NUDT11: variants seen among roughly 807,000 people sequenced by gnomAD.
NUDT11 encodes diphosphoinositol polyphosphate phosphohydrolase 3-beta.
A neutral mutation model predicts 10.0 loss-of-function variants in NUDT11; 1 was observed. That is an observed-to-expected ratio of 0.10 (90% confidence interval 0.04 to 0.47). NUDT11 has a LOEUF of 0.47. Among genes scored for constraint, NUDT11 ranks in the 20% least tolerant of loss-of-function variants. The pLI is 0.96. For missense variants in NUDT11, 47 were observed against 140.4 expected (o/e 0.33, Z 3.36); for synonymous variants, 63 against 65.9 (o/e 0.96, Z 0.21).
intron 1 of NUDT11, among the ~76,000 whole-genome samples, chrX:51,495,150 C>T (rs1469254923): frequency 2.7e-5 from 3 of 111,863 alleles, no homozygotes; most frequent in Non-Finnish European, 5.6e-5. Context: ...GGTTAATCTA[C>T]ATGGGAAATA....
intron 1 of NUDT11, among the ~76,000 whole-genome samples, chrX:51,492,884 G>A (rs957892523): frequency 8.9e-6 from 1 of 112,572 alleles, no homozygotes; most frequent in Non-Finnish European, 1.9e-5. Flanking sequence ...GGGAATTCTA[G>A]AGGTGAAAGC....
At chrX:51,492,140 C>G (rs1485538131) in intron 1 of NUDT11, among the ~76,000 whole-genome samples, 4 of 112,001 alleles carry the variant, frequency 3.6e-5, no homozygotes, top group Non-Finnish European at 1.9e-5. Flanking sequence ...ATAAACTCTG[C>G]GAACCATGAC....
chrX:51,492,859 G>A (rs1925625642), intron 1 of NUDT11, among the ~76,000 whole-genome samples: 1 of 112,274 alleles, frequency 8.9e-6, no homozygotes, highest in South Asian at 3.7e-4. Flanking sequence ...AGAGTACCTG[G>A]TGGCTCCCCC....
At chrX:51,495,822 T>C in intron 1 of NUDT11, 129 bp downstream of exon 1, 4 of 1,002,208 alleles carry the variant, frequency 4.0e-6, no homozygotes, top group African/African-American at 1.9e-5. Flanking sequence ...TCAGAGGGTC[T>C]GCCAAGGAAA....
intron 1 of NUDT11, 134 bp from the exon 2 acceptor site, chrX:51,491,883 C>A: frequency 1.9e-6 from 1 of 517,293 alleles, no homozygotes; most frequent in South Asian, 2.7e-5. Context: ...TTATCTAATG[C>A]AGATGCAATC....
At chrX:51,495,672 G>A (rs1430354512) in intron 1 of NUDT11, among the ~76,000 whole-genome samples, 1 of 87,873 alleles carries the variant, frequency 1.1e-5, no homozygotes, top group Non-Finnish European at 2.1e-5. Context: ...GAACAGTTAA[G>A]GCACCTAAAA....
chrX:51,490,081 C>T lies in NUDT11; in HGVS notation c.*1668G>A, dbSNP rs1925560365. 9.0e-6 allele frequency: 1 copy of T among 111,561 alleles called. No individual in the cohort carries two copies. Among genetic ancestry groups the T allele is most frequent in the Admixed American group, 9.5e-5 (1 of 10,478 alleles). 9.2% of individuals were successfully genotyped at this position (111,561 alleles called of 1,213,427 possible). On this transcript the variant is annotated 3_prime_UTR_variant, in exon 2 of 2. Coordinates refer to ENST00000375992, the MANE Select transcript of NUDT11 (RefSeq NM_018159.4). Reference sequence around the variant, plus strand: ...AGTATAGAGAATAGTATAATGAACTCTCAAACATCCATCACACAGCTTCAG... The same window carrying T: ...AGTATAGAGAATAGTATAATGAACTTTCAAACATCCATCACACAGCTTCAG...
At position 51,490,366 on chromosome X, in the gene NUDT11, TGAGGAA is replaced by T. The variant is rs1225293227; in HGVS notation, c.*1377_*1382del. The T allele has an allele frequency of 8.9e-6, 1 of 111,994 alleles. No homozygotes were observed. The highest frequency in any genetic ancestry group is 2.8e-4 in the East Asian group (1 of 3,557). The allele number at this position is 111,994 out of a possible 1,213,427, so 9.2% of individuals were successfully genotyped here. ...CAATCAATACATTTCACTGGTATCA[TGAGGAA>T]GAGTGTCACACTAAAATGGAGTCCA... On this transcript the variant is annotated 3_prime_UTR_variant, in exon 2 of 2. Transcript: ENST00000375992.
intron 1 of NUDT11, 109 bp downstream of exon 1, chrX:51,495,842 C>G (rs1443816085): frequency 1.9e-6 from 2 of 1,077,567 alleles, no homozygotes; most frequent in Middle Eastern, 2.5e-4. Flanking sequence ...ACAAAAGAAG[C>G]CTCCCTCCTC....
chrX:51,496,016 T>C lies in NUDT11; in HGVS notation c.429A>G (p.Leu143=), dbSNP rs781949259. Reference sequence around the variant, plus strand: ...CATTGGTTGGGGAACCGCCCAGCTTTAGTTTCTCCAGATATTCGGCGTGCA... The same window carrying C: ...CATTGGTTGGGGAACCGCCCAGCTTCAGTTTCTCCAGATATTCGGCGTGCA... ...KPVHAEYLEK[L]KLGGSPTNGN... Residue 143 remains leucine (L), a synonymous_variant, in exon 1 of 2, where the codon CTA becomes CTG. Transcript: ENST00000375992. 5.0e-6 allele frequency: 6 copies of C among 1,207,841 alleles called. No homozygotes were observed. The highest frequency in any genetic ancestry group is 5.6e-6 in the Non-Finnish European group (5 of 893,278).
Position 51,490,917 on chromosome X carries a change from A to G in NUDT11, c.*832T>C, listed in dbSNP as rs1925580046. 8.9e-6 allele frequency: 1 copy of G among 112,574 alleles called. No homozygotes were observed. The highest frequency in any genetic ancestry group is 1.9e-5 in the Non-Finnish European group (1 of 53,319). 9.3% of individuals were successfully genotyped at this position (112,574 alleles called of 1,213,427 possible). On this transcript the variant is annotated 3_prime_UTR_variant, in exon 2 of 2. Transcript: ENST00000375992. ...TAAAATGAGGAAACAGTGTTTCCTCAAAGAGATGTTAAGATGACATGTAAG... is the reference window on the plus strand; with the variant it reads ...TAAAATGAGGAAACAGTGTTTCCTCGAAGAGATGTTAAGATGACATGTAAG...
Position 51,495,962 on chromosome X carries a change from A to G in NUDT11, c.483T>C (p.Asp161=). The change falls in exon 1 of 2, where the codon GAT becomes GAC. Residue 161 remains aspartate, a synonymous_variant. Coordinates refer to ENST00000375992, the MANE Select transcript of NUDT11 (RefSeq NM_018159.4). ...NGNSMAPSSP[D]SDP The stretch of plus-strand genomic sequence containing the variant: ...CAAGCGGTACATACTAGGGATCGCT[A>G]TCTGGCGAGGATGGGGCCATGGAGT... The G allele has an allele frequency of 8.3e-7, 1 of 1,207,993 alleles. No individual in the cohort carries two copies. The highest frequency in any genetic ancestry group is 3.0e-5 in the East Asian group (1 of 33,756).
At chrX:51,494,969 G>A (rs1288882387) in intron 1 of NUDT11, among the ~76,000 whole-genome samples, 1 of 111,573 alleles carries the variant, frequency 9.0e-6, no homozygotes, top group African/African-American at 3.3e-5. Context: ...ATATGGGAGG[G>A]AGACCACTTT....
intron 1 of NUDT11, among the ~76,000 whole-genome samples, chrX:51,493,757 A>G (rs1197276971): frequency 9.0e-6 from 1 of 111,289 alleles, no homozygotes; most frequent in Non-Finnish European, 1.9e-5. Flanking sequence ...AAAAAAAAAA[A>G]GAAAAGGAAA....
In NUDT11 at chrX:51,490,660, T is replaced by C. The variant is rs188075706; in HGVS notation, c.*1089A>G. On this transcript the variant is annotated 3_prime_UTR_variant, in exon 2 of 2. Transcript: ENST00000375992. ...CAGCCTCTTTCCTAAATGCCTTTTC[T>C]AAATGACAACAATTTTGCCCTCTCT... 2 of 112,269 alleles carry C rather than the reference T, an allele frequency of 1.8e-5. No individual in the cohort carries two copies. Among genetic ancestry groups the C allele is most frequent in the Admixed American group, 1.9e-4 (2 of 10,617 alleles). The allele number at this position is 112,269 out of a possible 1,213,427, so 9.3% of individuals were successfully genotyped here. A position where few individuals can be genotyped will look rare whatever the true frequency, so the allele number is the denominator to read the frequency against.
chrX:51,492,791 T>C (rs1602116306), intron 1 of NUDT11, among the ~76,000 whole-genome samples: 1 of 112,414 alleles, frequency 8.9e-6, no homozygotes, highest in East Asian at 2.8e-4. Flanking sequence ...ACCATTAGTA[T>C]TAATAGCTAT....
intron 1 of NUDT11, among the ~76,000 whole-genome samples, chrX:51,493,250 G>A (rs1192567877): frequency 8.9e-6 from 1 of 112,207 alleles, no homozygotes; most frequent in Non-Finnish European, 1.9e-5. Flanking sequence ...TATAAAACAT[G>A]CAGAAAATAA....
At chrX:51,493,552 TCA>T (rs1421197587) in intron 1 of NUDT11, among the ~76,000 whole-genome samples, 1 of 111,832 alleles carries the variant, frequency 8.9e-6, no homozygotes, top group African/African-American at 3.2e-5. Context: ...AGTACAAATC[TCA>T]GTTTTTCAAA....
chrX:51,492,998 T>A (rs1478466643), intron 1 of NUDT11, among the ~76,000 whole-genome samples: 1 of 112,619 alleles, frequency 8.9e-6, no homozygotes, highest in Admixed American at 9.4e-5. Flanking sequence ...TTACATCAAT[T>A]GTTGCAAATG....
Sources: allele counts gnomAD v4.1 joint callset (sites outside exome capture counted in the v4.1 genomes callset), GRCh38; gene constraint gnomAD v4.1.1; transcripts MANE v1.5; gene names NCBI Gene and HGNC (gene_info 2026-07-23, HGNC 2026-07-21).